The following SEZ6L2 variants were observed in gnomAD, a reference collection of about 807,000 sequenced individuals.
SEZ6L2 encodes seizure related 6 homolog like 2.
A neutral mutation model predicts 97.0 loss-of-function variants in SEZ6L2; 44 were observed. The ratio of observed to expected loss-of-function variants is 0.45; its 90% CI spans 0.36 to 0.58. SEZ6L2 has a LOEUF of 0.58. Ranked by LOEUF, SEZ6L2 falls within the 20% of genes least tolerant of loss-of-function variation. The pLI is 0.00. For synonymous variants in SEZ6L2, 543 were observed against 546.1 expected, an observed-to-expected ratio of 0.99 and a Z score of 0.08; for missense variants, 1,086 against 1,233.3, an observed-to-expected ratio of 0.88 and a Z score of 1.79.
intron 5 of SEZ6L2, among the ~76,000 whole-genome samples, chr16:29,892,512 C>T (rs547325407): frequency 1.3e-3 from 198 of 152,328 alleles, no homozygotes; most frequent in African/African-American, 4.5e-3. Flanking sequence ...GCCAAATACA[C>T]GTCCCCCAGC....
chr16:29,876,152 C>G lies in SEZ6L2; in HGVS notation c.2104+604G>C, dbSNP rs1056644578. On this transcript the variant is annotated intron_variant, in intron 12 of 17. Coordinates refer to ENST00000617533, the MANE Select transcript of SEZ6L2 (RefSeq NM_001243332.2). The surrounding 1 kb of genome is among the most constrained non-coding windows in gnomAD (Gnocchi z 6.5). ...TGCTAAGTGCCTCGCCCAAAGTCAC[C>G]CAGTGATCACCACCCTGCGTATCCC... Among the ~76,000 whole-genome samples, 1 of 152,114 alleles carries G rather than the reference C, an allele frequency of 6.6e-6. No homozygotes were observed. Among genetic ancestry groups the G allele is most frequent in the Non-Finnish European group, 1.5e-5 (1 of 68,018 alleles).
chr16:29,873,560 G>A lies in SEZ6L2; in HGVS notation c.2274C>T (p.Ser758=), dbSNP rs150405329. 45 of 1,614,036 alleles carry A rather than the reference G, an allele frequency of 2.8e-5. No individual in the cohort carries two copies. Among genetic ancestry groups the A allele is most frequent in the African/African-American group, 1.7e-4 (13 of 74,924 alleles). The change falls in exon 13 of 18, where the codon AGC becomes AGT. Residue 758 remains serine, a synonymous_variant. Transcript: ENST00000617533. This position sits in a 1 kb window ranked among gnomAD's most constrained non-coding sequence, Gnocchi z 4.3. Reference sequence around the variant, plus strand: ...CACAGGCGCATTTGGGGACCCTATCGCTCCACTTGGGTGTGCCTGTGTCCC... The same window carrying A: ...CACAGGCGCATTTGGGGACCCTATCACTCCACTTGGGTGTGCCTGTGTCCC... ...YSRDTGTPKW[S]DRVPKCALKY...
rs1252859173 is a variant in SEZ6L2, at chr16:29,896,904, G to A, written c.429C>T (p.Pro143=). ...CCTCCTCTCCTCCCTCAGGCCCAAG[G>A]GGAGGCCCTGGGGAGGCAGGGCTGG... ...PPPSPASPGP[P]LGPEGGEEET... Residue 143 remains proline (P), a synonymous_variant, in exon 3 of 18, where the codon CCC becomes CCT. Transcript: ENST00000617533. 1 of 1,613,746 alleles carries A rather than the reference G, an allele frequency of 6.2e-7. No homozygotes were observed. The highest frequency in any genetic ancestry group is 8.5e-7 in the Non-Finnish European group (1 of 1,179,816).
intron 9 of SEZ6L2, among the ~76,000 whole-genome samples, chr16:29,878,746 AT>A (rs1238821430): frequency 5.3e-5 from 6 of 114,250 alleles, no homozygotes; most frequent in Admixed American, 3.5e-4. Flanking sequence ...ACCACACCCT[AT>A]TTTTTTTTCT....
intron 7 of SEZ6L2, among the ~76,000 whole-genome samples, chr16:29,887,122 G>A (rs1332209427): frequency 1.3e-5 from 2 of 149,550 alleles, no homozygotes; most frequent in South Asian, 2.1e-4. Context: ...CAGAGGTTGC[G>A]GTAAGCCAAG....
In SEZ6L2 at chr16:29,896,919, G is replaced by A; in HGVS notation, c.414C>T (p.Ala138=). 1 of 1,612,364 alleles carries A rather than the reference G, an allele frequency of 6.2e-7. No homozygotes were observed. The highest frequency in any genetic ancestry group is 1.1e-5 in the South Asian group (1 of 91,030). The part of the protein sequence containing the change: ...GTTAPPPPSP[A]SPGPPLGPEG... ...CAGGCCCAAGGGGAGGCCCTGGGGAGGCAGGGCTGGGTGGGGGTGGGGCTG... is the reference window on the plus strand; with the variant it reads ...CAGGCCCAAGGGGAGGCCCTGGGGAAGCAGGGCTGGGTGGGGGTGGGGCTG... Residue 138 remains alanine (A), a synonymous_variant, in exon 3 of 18, where the codon GCC becomes GCT. Transcript: ENST00000617533.
At position 29,878,413 on chromosome 16, in the gene SEZ6L2, C is replaced by T. The variant is rs1191667422; in HGVS notation, c.1586G>A (p.Gly529Glu). 6.2e-7 allele frequency: 1 copy of T among 1,601,602 alleles called. No individual in the cohort carries two copies. Among genetic ancestry groups the T allele is most frequent in the South Asian group, 1.1e-5 (1 of 88,450 alleles). Reference sequence around the variant, plus strand: ...CACGCCAGCTGGTTCCGACAGCTCCCCTCCACACATGGCTAGGGAAAAAGG... The same window carrying T: ...CACGCCAGCTGGTTCCGACAGCTCCTCTCCACACATGGCTAGGGAAAAAGG... The part of the protein sequence containing the change: ...TEPACKAMCG[G>E]ELSEPAGVVL... The change falls in exon 10 of 18, where the codon GGG (glycine) becomes GAG (glutamate). Residue 529 changes from glycine (G) to glutamate (E), a missense_variant. Around this residue, in one of 2 missense-constraint regions of SEZ6L2, gnomAD observed 776 missense variants for 794.7 expected, o/e 0.98. Coordinates refer to ENST00000617533, the MANE Select transcript of SEZ6L2 (RefSeq NM_001243332.2).
Position 29,872,392 on chromosome 16 carries a change from C to G in SEZ6L2, c.2645+17G>C. 6.2e-7 allele frequency: 1 copy of G among 1,612,754 alleles called. No individual in the cohort carries two copies. The highest frequency in any genetic ancestry group is 8.5e-7 in the Non-Finnish European group (1 of 1,178,770). The stretch of plus-strand genomic sequence containing the variant: ...AGACGTCTGCCCTGGCCGGCAGTCC[C>G]CAAGCAGGCTACTTACTTGGTGTAG... On this transcript the variant is annotated intron_variant, in intron 16 of 17. Transcript: ENST00000617533.
chr16:29,889,305 G>A (rs780556818), intron 5 of SEZ6L2, among the ~76,000 whole-genome samples: 6 of 152,038 alleles, frequency 3.9e-5, no homozygotes, highest in Non-Finnish European at 7.4e-5. Flanking sequence ...CAGGCGTGGT[G>A]GTGGGTGCCT....
Position 29,899,298 on chromosome 16 carries a change from G to A in SEZ6L2, c.-279C>T. ...CGCGGCTCCGGCTGCAGGGGGTGGG[G>A]CCGAGAGGGCCGAAGGGGCCGGGTG... On this transcript the variant is annotated 5_prime_UTR_variant, in exon 1 of 18. Transcript: ENST00000617533. 7.0e-6 allele frequency: 3 copies of A among 426,464 alleles called. No individual in the cohort carries two copies. Among genetic ancestry groups the A allele is most frequent in the Admixed American group, 4.4e-5 (1 of 22,918 alleles). The allele number at this position is 426,464 out of a possible 1,614,324, so 26.4% of individuals were successfully genotyped here.
At chr16:29,891,096 C>T (rs942930319) in intron 5 of SEZ6L2, among the ~76,000 whole-genome samples, 2 of 152,038 alleles carry the variant, frequency 1.3e-5, no homozygotes, top group Admixed American at 1.3e-4. Flanking sequence ...CATGTGCCAC[C>T]ATGCCCAGCT....
intron 8 of SEZ6L2, among the ~76,000 whole-genome samples, chr16:29,885,110 A>AG (rs2068107909): frequency 6.6e-6 from 1 of 152,184 alleles, no homozygotes; most frequent in Non-Finnish European, 1.5e-5. Flanking sequence ...CGGGAGGCTG[A>AG]GGCAGGAGAA....
intron 5 of SEZ6L2, among the ~76,000 whole-genome samples, chr16:29,891,652 A>AT (rs2068275146): frequency 2.0e-5 from 3 of 151,822 alleles, no homozygotes; most frequent in Admixed American, 1.3e-4. Flanking sequence ...AAAAAAAAAA[A>AT]GGGCTAGCCT....
intron 7 of SEZ6L2, 58 bp from the exon 8 acceptor site, chr16:29,885,807 C>T (rs2068127726): frequency 6.5e-7 from 1 of 1,537,932 alleles, no homozygotes; most frequent in South Asian, 1.2e-5. Context: ...TGCCTCACCC[C>T]TTGCCTGCTT....
In SEZ6L2 at chr16:29,895,667, A is replaced by G. The variant is rs960251500; in HGVS notation, c.651+54T>C. The G allele has an allele frequency of 1.1e-5, 18 of 1,572,034 alleles. 1 individual carries two copies. The South Asian group carries it at 1.2e-4, about 10-fold the overall frequency. ...CCAGGCCAAACCCGTGCACACCCAC[A>G]GCCCAGAGGAAAAGGCTTGGAAGCT... On this transcript the variant is annotated intron_variant, in intron 4 of 17. Transcript: ENST00000617533.
rs751542888 is a variant in SEZ6L2 at position 29,899,032 on chromosome 16, C to T, written c.-13G>A. 5.6e-6 allele frequency: 9 copies of T among 1,601,086 alleles called. No homozygotes were observed. The highest frequency in any genetic ancestry group is 2.2e-5 in the East Asian group (1 of 44,588). On this transcript the variant is annotated 5_prime_UTR_variant, in exon 1 of 18. Coordinates refer to ENST00000617533, the MANE Select transcript of SEZ6L2 (RefSeq NM_001243332.2). Reference sequence around the variant, plus strand: ...TGGGAGTCCCCATGGCGACTCACCCCGATCTCTCTCCTCTGTGCCTCTCTA... The same window carrying T: ...TGGGAGTCCCCATGGCGACTCACCCTGATCTCTCTCCTCTGTGCCTCTCTA...
rs776003997 is a variant in SEZ6L2, at chr16:29,873,639, C to T, written c.2195G>A (p.Arg732His). ...CTCGAGGCTGTACCCTGGCAGGCAG[C>T]GGTACTGGACGTGGGAGCCAACGGG... ...GFPVGSHVQY[R>H]CLPGYSLEGA... The change falls in exon 13 of 18, where the codon CGC becomes CAC. Residue 732 changes from arginine (R) to histidine (H), a missense_variant. Physicochemically the swap from Arg to His is conservative, Grantham distance 29. This residue lies in a region of SEZ6L2 where 310 missense variants were observed against 438.6 expected (regional missense o/e 0.71). Transcript: ENST00000617533. The surrounding 1 kb of genome is among the most constrained non-coding windows in gnomAD (Gnocchi z 4.3). The T allele has an allele frequency of 1.9e-5, 30 of 1,613,718 alleles. No homozygotes were observed. The highest frequency in any genetic ancestry group is 1.6e-4 in the Middle Eastern group (1 of 6,080).
At chr16:29,885,812 C>T in intron 7 of SEZ6L2, 63 bp from the exon 8 acceptor site, 1 of 1,522,904 alleles carries the variant, frequency 6.6e-7, no homozygotes, top group Non-Finnish European at 8.9e-7. Flanking sequence ...CACCCCTTGC[C>T]TGCTTTCCTA....
At chr16:29,895,141 T>A (rs1205965662) in intron 5 of SEZ6L2, 118 bp downstream of exon 5, 1 of 863,304 alleles carries the variant, frequency 1.2e-6, no homozygotes, top group African/African-American at 1.8e-5. Flanking sequence ...ATCACGCCAC[T>A]GACCTCCAGT....
Sources: allele counts gnomAD v4.1 joint callset (sites outside exome capture counted in the v4.1 genomes callset), GRCh38; gene constraint gnomAD v4.1.1; regional missense constraint gnomAD v4.1.1; non-coding constraint Gnocchi (gnomAD v3.1); transcripts MANE v1.5; gene names NCBI Gene and HGNC (gene_info 2026-07-23, HGNC 2026-07-21).